Variants in CCDC192 observed in about 807,000 individuals in gnomAD.
CCDC192 encodes the protein coiled-coil domain containing 192, also known as coiled-coil domain-containing protein 192.
At chr5:127,722,964 C>A (rs531206774) in intron 2 of CCDC192, among the ~76,000 whole-genome samples, 127 of 152,036 alleles carry the variant, frequency 8.4e-4, no homozygotes, top group African/African-American at 2.5e-3. Flanking sequence ...CCGCACAAAT[C>A]TTGGATTTTT....
At chr5:127,844,595 C>G (rs1454322068) in intron 5 of CCDC192, among the ~76,000 whole-genome samples, 1 of 152,176 alleles carries the variant, frequency 6.6e-6, no homozygotes, top group Non-Finnish European at 1.5e-5. Flanking sequence ...CTTTCTCATC[C>G]AGCACTAGGC....
intron 6 of CCDC192, among the ~76,000 whole-genome samples, chr5:127,917,210 G>T (rs1248551563): frequency 6.6e-6 from 1 of 152,220 alleles, no homozygotes; most frequent in Non-Finnish European, 1.5e-5. Context: ...TTGAATTGAA[G>T]AGTCAGGGCC....
At position 127,869,572 on chromosome 5, in the gene CCDC192, T is replaced by G. The variant is rs545844053; in HGVS notation, c.412-5966T>G. On this transcript the variant is annotated intron_variant, in intron 5 of 6. Coordinates refer to ENST00000514853, the MANE Select transcript of CCDC192 (RefSeq NM_001317938.2). ...CATCCCAAGTGTAAGGTTATCCCTT[T>G]ATCTTGTATTAATTTGAAGTTTCTC... Among the ~76,000 whole-genome samples the G allele has an allele frequency of 3.3e-5, 5 of 152,334 alleles. No homozygotes were observed. The South Asian group carries it at 1.0e-3, about 32-fold the overall frequency.
chr5:127,805,525 C>G lies in CCDC192; in HGVS notation c.411+7363C>G, dbSNP rs555754627. Among the ~76,000 whole-genome samples, 13 of 152,274 alleles carry G rather than the reference C, an allele frequency of 8.5e-5. No individual in the cohort carries two copies. The East Asian group carries it at 2.5e-3, about 29-fold the overall frequency. On this transcript the variant is annotated intron_variant, in intron 5 of 6. Coordinates refer to ENST00000514853, the MANE Select transcript of CCDC192 (RefSeq NM_001317938.2). ...AACTTTATTTTAAAATATCATATGG[C>G]AGACTCAGACCACATGGCAGAGTTA...
chr5:127,741,586 G>T (rs1472851304), intron 2 of CCDC192, among the ~76,000 whole-genome samples: 2 of 152,088 alleles, frequency 1.3e-5, no homozygotes, highest in Non-Finnish European at 2.9e-5. Context: ...GTGTTCAAAG[G>T]AGTCTCTGTT....
intron 5 of CCDC192, among the ~76,000 whole-genome samples, chr5:127,836,400 A>G (rs1213935727): frequency 2.6e-5 from 4 of 152,008 alleles, no homozygotes; most frequent in African/African-American, 9.7e-5. Flanking sequence ...CTGTCAGTGG[A>G]TCTAGTGTTC....
intron 6 of CCDC192, among the ~76,000 whole-genome samples, chr5:127,938,787 A>G (rs1271028388): frequency 6.6e-6 from 1 of 152,244 alleles, no homozygotes; most frequent in Non-Finnish European, 1.5e-5. Flanking sequence ...CCATTGCTTA[A>G]TGGTCACATG....
intron 2 of CCDC192, among the ~76,000 whole-genome samples, chr5:127,714,675 T>C (rs1751524586): frequency 6.6e-6 from 1 of 152,176 alleles, no homozygotes; most frequent in Non-Finnish European, 1.5e-5. Context: ...TGGCCAGTAG[T>C]TCTATTTTTA....
At chr5:127,932,909 GA>G (rs1754079489) in intron 6 of CCDC192, among the ~76,000 whole-genome samples, 1 of 152,200 alleles carries the variant, frequency 6.6e-6, no homozygotes, top group East Asian at 1.9e-4. Flanking sequence ...GGCTTGGGTT[GA>G]AATTGTAGGT....
intron 5 of CCDC192, among the ~76,000 whole-genome samples, chr5:127,868,009 C>CTTTTTTTTTTTT (rs11440985): frequency 7.5e-6 from 1 of 133,484 alleles, no homozygotes; most frequent in Non-Finnish European, 1.6e-5. Context: ...TTTTCTTTTT[C>CTTTTTTTTTTTT]TTTTTTTTTT....
intron 5 of CCDC192, among the ~76,000 whole-genome samples, chr5:127,833,530 C>T (rs1749895633): frequency 6.6e-6 from 1 of 152,074 alleles, no homozygotes; most frequent in Non-Finnish European, 1.5e-5. Context: ...ATACATATAG[C>T]AATTGCTTCA....
At chr5:127,926,613 G>C (rs896635938) in intron 6 of CCDC192, among the ~76,000 whole-genome samples, 18 of 152,094 alleles carry the variant, frequency 1.2e-4, no homozygotes, top group Admixed American at 5.2e-4. Flanking sequence ...AGAGCATGGG[G>C]GTAAAGGAGA....
intron 3 of CCDC192, among the ~76,000 whole-genome samples, chr5:127,778,277 G>A (rs1755989561): frequency 1.3e-5 from 2 of 152,154 alleles, no homozygotes; most frequent in South Asian, 2.1e-4. Flanking sequence ...CTTTTATCAT[G>A]TTGAGGAAGT....
At chr5:127,752,951 A>G (rs1353857097) in intron 2 of CCDC192, among the ~76,000 whole-genome samples, 3 of 152,164 alleles carry the variant, frequency 2.0e-5, no homozygotes, top group Admixed American at 2.0e-4. Flanking sequence ...CAAGTGAGGC[A>G]ATGCCTCGCC....
At chr5:127,804,083 CA>C (rs1403373676) in intron 5 of CCDC192, among the ~76,000 whole-genome samples, 10 of 152,198 alleles carry the variant, frequency 6.6e-5, no homozygotes, top group African/African-American at 2.4e-4. Context: ...TTTCCTCCTA[CA>C]AAGAAGCTAT....
At chr5:127,752,578 C>T (rs964667820) in intron 2 of CCDC192, among the ~76,000 whole-genome samples, 1 of 152,210 alleles carries the variant, frequency 6.6e-6, no homozygotes, top group Admixed American at 6.5e-5. Flanking sequence ...TTGTCTGTGC[C>T]CTGCCCCCAG....
rs538831738 is a variant in CCDC192 at position 127,731,789 on chromosome 5, G to A, written c.115-22479G>A. 1.1e-3 allele frequency among the ~76,000 whole-genome samples: 165 copies of A among 152,164 alleles called. 1 individual carries two copies. The highest frequency in any genetic ancestry group is 3.6e-3 in the African/African-American group (149 of 41,536). On this transcript the variant is annotated intron_variant, in intron 2 of 6. Coordinates refer to ENST00000514853, the MANE Select transcript of CCDC192 (RefSeq NM_001317938.2). ...TCCCTGTTTAATAAATGGTGCTGGA[G>A]AACTGGCTAGCCATATGCAGAAAAT...
intron 2 of CCDC192, among the ~76,000 whole-genome samples, chr5:127,726,690 C>T (rs764520660): frequency 6.6e-6 from 1 of 152,224 alleles, no homozygotes; most frequent in Non-Finnish European, 1.5e-5. Flanking sequence ...CTCGACCCAT[C>T]CTTTCTCACT....
intron 4 of CCDC192, 31 bp from the exon 5 acceptor site, chr5:127,798,075 T>C (rs1006414093): frequency 3.3e-5 from 13 of 397,822 alleles, no homozygotes; most frequent in Non-Finnish European, 5.3e-5. Context: ...AAGAGTTACA[T>C]ACTTAGTTTC....
Sources: gnomAD v4.1 joint callset for allele counts (sites outside exome capture counted in the v4.1 genomes callset) on GRCh38, gnomAD v4.1.1 for gene constraint, MANE v1.5 for transcripts, NCBI Gene and HGNC (gene_info 2026-07-23, HGNC 2026-07-21) for gene names.